COL10A1: variants seen among roughly 807,000 people sequenced by gnomAD.
COL10A1 encodes collagen alpha-1(X) chain.
Under a neutral mutation model 18.2 loss-of-function variants are expected in COL10A1, and 10 were observed. The observed-to-expected ratio is 0.55, with a 90% CI of 0.34 to 0.93. COL10A1 has a LOEUF of 0.93. COL10A1 is among the 40% of genes least tolerant of loss of function. The pLI, the probability that COL10A1 is intolerant of heterozygous loss-of-function variation, is 0.02. For synonymous variants in COL10A1, 330 were observed against 316.6 expected (o/e 1.04, Z -0.45); for missense variants, 897 against 853.5 (o/e 1.05, Z -0.64).
At chr6:116,184,948 C>T in the COL10A1 span, among the ~76,000 whole-genome samples, 2 of 151,836 alleles carry the variant, frequency 1.3e-5, no homozygotes, top group Non-Finnish European at 2.9e-5. Flanking sequence ...ATTTCTCTAG[C>T]TCCTTGAGTG....
chr6:116,179,078 CTTCTTATTTAT>C, the COL10A1 span, among the ~76,000 whole-genome samples: 18 of 152,136 alleles, frequency 1.2e-4, no homozygotes, highest in East Asian at 3.3e-3. Context: ...GCTGTTTTTT[CTTCTTATTTAT>C]TTAACATAAG....
At chr6:116,141,174 T>C (rs1042758483) in intron 1 of COL10A1, among the ~76,000 whole-genome samples, 1 of 152,168 alleles carries the variant, frequency 6.6e-6, no homozygotes, top group African/African-American at 2.4e-5. Context: ...ATTCGAATGA[T>C]GGTGAGCATT....
At chr6:116,200,214 T>C in the COL10A1 span, among the ~76,000 whole-genome samples, 96 of 152,024 alleles carry the variant, frequency 6.3e-4, 1 homozygote, top group Middle Eastern at 3.4e-3. Flanking sequence ...CTACAAAATA[T>C]CTAACTAGTA....
At chr6:116,142,179 T>C (rs551791841) in intron 1 of COL10A1, among the ~76,000 whole-genome samples, 1 of 152,236 alleles carries the variant, frequency 6.6e-6, no homozygotes, top group East Asian at 1.9e-4. Flanking sequence ...ATTAGTATAG[T>C]TCACAGTTGT....
the COL10A1 span, among the ~76,000 whole-genome samples, chr6:116,180,022 G>GT: frequency 6.6e-6 from 1 of 151,924 alleles, no homozygotes; most frequent in Non-Finnish European, 1.5e-5. Flanking sequence ...ATTAAATCTT[G>GT]TTTTTTATTG....
At chr6:116,126,680 G>GC (rs1351668390), upstream of COL10A1, among the ~76,000 whole-genome samples, 4 of 151,922 alleles carry the variant, frequency 2.6e-5, no homozygotes, top group African/African-American at 9.7e-5. Flanking sequence ...ACAACACTAC[G>GC]CTATATTCAG....
At chr6:116,210,561 A>C in the COL10A1 span, among the ~76,000 whole-genome samples, 1 of 151,910 alleles carries the variant, frequency 6.6e-6, no homozygotes, top group Non-Finnish European at 1.5e-5. Context: ...CAGTTGCAAA[A>C]CGGGAATCAT....
chr6:116,183,964 C>T, the COL10A1 span, among the ~76,000 whole-genome samples: 2 of 152,024 alleles, frequency 1.3e-5, no homozygotes. Context: ...AAGTGGGCAT[C>T]TTTGTCTTTT....
chr6:116,151,376 G>T (rs1780033089), intron 1 of COL10A1, among the ~76,000 whole-genome samples: 1 of 152,116 alleles, frequency 6.6e-6, no homozygotes, highest in Non-Finnish European at 1.5e-5. Context: ...CAGGAAGAAA[G>T]ATTCTTTATG....
chr6:116,173,271 C>T, the COL10A1 span, among the ~76,000 whole-genome samples: 7 of 152,140 alleles, frequency 4.6e-5, no homozygotes, highest in African/African-American at 9.7e-5. Flanking sequence ...AGCTGCTCCA[C>T]GTTTTATTTT....
At chr6:116,163,345 A>G (rs550410806), upstream of COL10A1, among the ~76,000 whole-genome samples, 3 of 151,416 alleles carry the variant, frequency 2.0e-5, no homozygotes, top group Non-Finnish European at 2.9e-5. Flanking sequence ...CCCTGGTTCA[A>G]TCTGGGAGGT....
intron 1 of COL10A1, among the ~76,000 whole-genome samples, chr6:116,132,587 T>G (rs1445933111): frequency 6.6e-6 from 1 of 152,164 alleles, no homozygotes; most frequent in Admixed American, 6.5e-5. Context: ...ACATCAATCA[T>G]TTTATTTTTC....
the COL10A1 span, among the ~76,000 whole-genome samples, chr6:116,165,309 A>G: frequency 2.3e-3 from 343 of 152,154 alleles, 2 homozygotes; most frequent in African/African-American, 8.1e-3. Context: ...ATAACTATAT[A>G]CCTTGGTGAT....
rs747192733 is a variant in COL10A1 at position 116,120,817 on chromosome 6, G to A, written c.1299C>T (p.Pro433=). The A allele has an allele frequency of 2.0e-5, 32 of 1,613,642 alleles. No homozygotes were observed. Among genetic ancestry groups the A allele is most frequent in the Admixed American group, 3.3e-5 (2 of 59,996 alleles). ...PVGPAGAKGM[P]GHNGEAGPRG... is the part of the protein sequence containing the mutation. The stretch of plus-strand genomic sequence containing the variant: ...TTGGGCCAGCCTCTCCATTGTGTCC[G>A]GGCATTCCCTTTGCTCCTGCTGGGC... The change falls in exon 3 of 3, where the codon CCC becomes CCT. Residue 433 remains proline, a synonymous_variant. Transcript: ENST00000651968.
At position 116,122,036 on chromosome 6, in the gene COL10A1, A is replaced by G. The variant is rs1267099072; in HGVS notation, c.155-75T>C. On this transcript the variant is annotated intron_variant, in intron 2 of 2. Transcript: ENST00000651968. ...CATTAAAGAGAATCATTGCCTTTCA[A>G]ACTATGAATTGGGACACGATATTTC... 10 of 1,268,508 alleles carry G rather than the reference A, an allele frequency of 7.9e-6. No homozygotes were observed. In the East Asian group the frequency reaches 1.8e-4, roughly 23 times the overall value. The allele number at this position is 1,268,508 out of a possible 1,614,324, so 78.6% of individuals were successfully genotyped here. A position where few individuals can be genotyped will look rare whatever the true frequency, so the allele number is the denominator to read the frequency against.
At chr6:116,178,138 C>G in the COL10A1 span, among the ~76,000 whole-genome samples, 1 of 140,322 alleles carries the variant, frequency 7.1e-6, no homozygotes, top group Non-Finnish European at 1.5e-5. Context: ...TGTGTGTTTA[C>G]TAGTGGGACT....
At chr6:116,126,910 C>G (rs1453278715), upstream of COL10A1, among the ~76,000 whole-genome samples, 1 of 152,064 alleles carries the variant, frequency 6.6e-6, no homozygotes, top group Non-Finnish European at 1.5e-5. Context: ...GAAACACTTT[C>G]CCTCAAAGGT....
In COL10A1 at chr6:116,119,017, G is replaced by A. The variant is rs1006965266; in HGVS notation, c.*1056C>T. 2.6e-5 allele frequency: 4 copies of A among 152,614 alleles called. No homozygotes were observed. Among genetic ancestry groups the A allele is most frequent in the East Asian group, 1.9e-4 (1 of 5,206 alleles). 9.5% of individuals were successfully genotyped at this position (152,614 alleles called of 1,614,324 possible). Reference sequence around the variant, plus strand: ...AAATTGCTGCTTTCAAATTAATTCAGCCTAAAAATCTATTGATGTTATTTT... The same window carrying A: ...AAATTGCTGCTTTCAAATTAATTCAACCTAAAAATCTATTGATGTTATTTT... On this transcript the variant is annotated 3_prime_UTR_variant, in exon 3 of 3. Transcript: ENST00000651968.
intron 1 of COL10A1, among the ~76,000 whole-genome samples, chr6:116,153,113 A>G (rs1226741956): frequency 6.6e-6 from 1 of 151,968 alleles, no homozygotes; most frequent in Non-Finnish European, 1.5e-5. Flanking sequence ...ATATAAAAAT[A>G]TATACACAAA....
Sources: allele counts gnomAD v4.1 joint callset (sites outside exome capture counted in the v4.1 genomes callset), GRCh38; gene constraint gnomAD v4.1.1; transcripts MANE v1.5; gene names NCBI Gene and HGNC (gene_info 2026-07-23, HGNC 2026-07-21).